The following MLLT3 variants were observed in gnomAD, a reference collection of about 807,000 sequenced individuals.
MLLT3 encodes protein AF-9.
A neutral mutation model predicts 53.2 loss-of-function variants in MLLT3; 4 were observed. The ratio of observed to expected loss-of-function variants is 0.08; its 90% CI spans 0.04 to 0.17. The LOEUF (loss-of-function observed/expected upper bound fraction) is 0.17. Among genes scored for constraint, MLLT3 ranks in the 10% least tolerant of loss-of-function variants. The pLI, the probability that MLLT3 is intolerant of heterozygous loss-of-function variation, is 1.00. For synonymous variants in MLLT3, 283 were observed against 230.6 expected, an observed-to-expected ratio of 1.23 and a Z score of -2.06; for missense variants, 569 against 684.0, an observed-to-expected ratio of 0.83 and a Z score of 1.87.
chr9:20,383,497 T>A (rs1821954214), intron 5 of MLLT3, among the ~76,000 whole-genome samples: 1 of 151,878 alleles, frequency 6.6e-6, no homozygotes, highest in South Asian at 2.1e-4. Flanking sequence ...TCTCCAGGCC[T>A]CAGTTCCTTC....
In MLLT3 at chr9:20,565,953, T is replaced by TA. The variant is rs1563820469; in HGVS notation, c.193+54700_193+54701insT. 9.6e-3 allele frequency among the ~76,000 whole-genome samples: 81 copies of TA among 8,472 alleles called. 1 individual carries two copies. Among genetic ancestry groups the TA allele is most frequent in the Non-Finnish European group, 0.017 (59 of 3,498 alleles). The allele number at this position is 8,472 out of a possible 152,430, so 5.6% of individuals were successfully genotyped here. ...ATATATATATTTATATATATATATA[T>TA]TTATATATATATATTTATATATATA... is the stretch of plus-strand genomic sequence containing the variant. On this transcript the variant is annotated intron_variant, in intron 2 of 10. Transcript: ENST00000380338.
intron 2 of MLLT3, among the ~76,000 whole-genome samples, chr9:20,548,987 G>A (rs1466375374): frequency 6.6e-6 from 1 of 151,916 alleles, no homozygotes; most frequent in Non-Finnish European, 1.5e-5. Context: ...GCTAATTTTA[G>A]TATTTTTTGT....
intron 2 of MLLT3, among the ~76,000 whole-genome samples, chr9:20,485,997 TAAG>T (rs1824802880): frequency 6.6e-6 from 1 of 152,128 alleles, no homozygotes; most frequent in Admixed American, 6.5e-5. Context: ...GATAAAATAA[TAAG>T]AATTTCCACA....
intron 3 of MLLT3, among the ~76,000 whole-genome samples, chr9:20,449,639 T>C (rs545275922): frequency 6.6e-6 from 1 of 152,300 alleles, no homozygotes; most frequent in South Asian, 2.1e-4. Flanking sequence ...CCTGAAACTC[T>C]CCGAATATAG....
chr9:20,464,862 C>G (rs980178527), intron 2 of MLLT3, among the ~76,000 whole-genome samples: 2 of 152,164 alleles, frequency 1.3e-5, no homozygotes, highest in East Asian at 3.9e-4. Context: ...GGCTTCTCTT[C>G]CATGAATTCA....
intron 2 of MLLT3, among the ~76,000 whole-genome samples, chr9:20,550,147 C>G (rs1260635196): frequency 6.6e-6 from 1 of 152,176 alleles, no homozygotes; most frequent in Non-Finnish European, 1.5e-5. Context: ...TAGTTCTAAT[C>G]CCACGTAACA....
At chr9:20,379,355 C>T (rs900995720) in intron 5 of MLLT3, among the ~76,000 whole-genome samples, 10 of 152,084 alleles carry the variant, frequency 6.6e-5, no homozygotes, top group East Asian at 1.9e-4. Flanking sequence ...AGAGGTTATA[C>T]CACAAAACTA....
chr9:20,376,013 T>C (rs1401736157), intron 5 of MLLT3, among the ~76,000 whole-genome samples: 1 of 152,222 alleles, frequency 6.6e-6, no homozygotes, highest in Non-Finnish European at 1.5e-5. Context: ...GGCAACACAG[T>C]AAAATCATAT....
chr9:20,417,169 CCTAT>C (rs1822891383), intron 4 of MLLT3, among the ~76,000 whole-genome samples: 3 of 144,570 alleles, frequency 2.1e-5, no homozygotes, highest in Admixed American at 1.4e-4. Flanking sequence ...TGATTTTCAG[CCTAT>C]CTGATATTTA....
intron 5 of MLLT3, among the ~76,000 whole-genome samples, chr9:20,398,580 C>G (rs1822378821): frequency 6.6e-6 from 1 of 152,008 alleles, no homozygotes; most frequent in African/African-American, 2.4e-5. Context: ...ATTTCAAGAG[C>G]ACTGTAAACA....
chr9:20,575,169 G>C (rs544994173), intron 2 of MLLT3, among the ~76,000 whole-genome samples: 1 of 152,122 alleles, frequency 6.6e-6, no homozygotes, highest in Non-Finnish European at 1.5e-5. Context: ...CATCCATGAG[G>C]GCTGGGAAAA....
intron 4 of MLLT3, among the ~76,000 whole-genome samples, chr9:20,428,656 C>T (rs67876935): frequency 0.23 from 34,338 of 151,776 alleles, 7,183 homozygotes; most frequent in East Asian, 0.68. Context: ...AGAAAGACTA[C>T]AAAGATTTTT....
chr9:20,619,881 G>T (rs1007181539), intron 2 of MLLT3, among the ~76,000 whole-genome samples: 5 of 152,192 alleles, frequency 3.3e-5, no homozygotes, highest in Non-Finnish European at 7.3e-5. Flanking sequence ...AGGGACTAAA[G>T]CAAAAGGCTT....
rs373956893 is a variant in MLLT3 at position 20,485,186 on chromosome 9, A to G, written c.194-28400T>C. 3.3e-5 allele frequency among the ~76,000 whole-genome samples: 5 copies of G among 152,070 alleles called. No individual in the cohort carries two copies. In the East Asian group the frequency reaches 5.8e-4, roughly 18 times the overall value. ...GTATTTTCAGTAGAGACGGGGTTTC[A>G]CCATGTTAGGCACGCTGGTCTTGAG... On this transcript the variant is annotated intron_variant, in intron 2 of 10. Coordinates refer to ENST00000380338, the MANE Select transcript of MLLT3 (RefSeq NM_004529.4).
intron 2 of MLLT3, among the ~76,000 whole-genome samples, chr9:20,538,220 G>C (rs1818535004): frequency 6.6e-6 from 1 of 152,144 alleles, no homozygotes; most frequent in South Asian, 2.1e-4. Context: ...CATTGAAATA[G>C]CACTTAATGA....
At chr9:20,516,228 T>C (rs1817914638) in intron 2 of MLLT3, among the ~76,000 whole-genome samples, 1 of 152,188 alleles carries the variant, frequency 6.6e-6, no homozygotes, top group Non-Finnish European at 1.5e-5. Flanking sequence ...TGGAAACAAA[T>C]GTTTACACTA....
intron 2 of MLLT3, among the ~76,000 whole-genome samples, chr9:20,590,354 A>G (rs1352654395): frequency 6.6e-6 from 1 of 152,058 alleles, no homozygotes. Flanking sequence ...TGTGTCCCCT[A>G]TGTCATCTTG....
chr9:20,535,434 A>C (rs866205096), intron 2 of MLLT3, among the ~76,000 whole-genome samples: 1 of 152,128 alleles, frequency 6.6e-6, no homozygotes, highest in Admixed American at 6.5e-5. Context: ...CACAGGGTCA[A>C]TCAGGTCTAC....
intron 2 of MLLT3, among the ~76,000 whole-genome samples, chr9:20,596,833 T>C (rs932635965): frequency 3.3e-5 from 5 of 152,328 alleles, no homozygotes; most frequent in Admixed American, 6.5e-5. Flanking sequence ...AAGAAGCCAG[T>C]TGGAGTTCTG....
Sources: gnomAD v4.1 joint callset for allele counts (sites outside exome capture counted in the v4.1 genomes callset) on GRCh38, gnomAD v4.1.1 for gene constraint, MANE v1.5 for transcripts, NCBI Gene and HGNC (gene_info 2026-07-23, HGNC 2026-07-21) for gene names.